Variants in PRKG1 observed in about 807,000 individuals in gnomAD.
PRKG1 encodes protein kinase cGMP-dependent 1, also known as cGMP-dependent protein kinase 1.
Under a neutral mutation model 88.1 loss-of-function variants are expected in PRKG1, and 35 were observed. That is an observed-to-expected ratio of 0.40 (90% CI 0.30 to 0.53). The LOEUF (loss-of-function observed/expected upper bound fraction) is 0.53, where lower values mean the gene tolerates loss of function less well. PRKG1 is among the 20% of genes least tolerant of loss of function. The pLI is 0.59. For missense variants in PRKG1, 540 were observed against 839.8 expected (o/e 0.64, Z 4.41); for synonymous variants, 303 against 292.5 (o/e 1.04, Z -0.37).
At chr10:51,671,122 A>G (rs1354862991) in intron 3 of PRKG1, among the ~76,000 whole-genome samples, 2 of 152,202 alleles carry the variant, frequency 1.3e-5, no homozygotes, top group African/African-American at 2.4e-5. Flanking sequence ...TGATCATGCT[A>G]AATTCTGCTT....
chr10:51,687,718 C>G (rs1841029228), intron 3 of PRKG1, among the ~76,000 whole-genome samples: 1 of 152,088 alleles, frequency 6.6e-6, no homozygotes, highest in Non-Finnish European at 1.5e-5. Flanking sequence ...TTGGCTGAAA[C>G]AATTTTTGGT....
intron 9 of PRKG1, among the ~76,000 whole-genome samples, chr10:52,244,300 G>A (rs953246923): frequency 2.6e-5 from 4 of 151,896 alleles, no homozygotes; most frequent in Admixed American, 1.3e-4. Context: ...ACAAAGAAAC[G>A]CTAAGATGGT....
intron 3 of PRKG1, among the ~76,000 whole-genome samples, chr10:51,621,534 C>T (rs747659048): frequency 2.6e-5 from 4 of 152,154 alleles, no homozygotes; most frequent in Non-Finnish European, 5.9e-5. Flanking sequence ...CTAGAGCCAT[C>T]TTGTTTTGGC....
chr10:52,008,830 C>T (rs1054292215), intron 5 of PRKG1, among the ~76,000 whole-genome samples: 2 of 152,214 alleles, frequency 1.3e-5, no homozygotes, highest in African/African-American at 2.4e-5. Context: ...AAAGCTAATT[C>T]ACCATGATCA....
At chr10:52,281,589 ACT>A (rs1049436573) in intron 13 of PRKG1, among the ~76,000 whole-genome samples, 2 of 151,994 alleles carry the variant, frequency 1.3e-5, no homozygotes, top group African/African-American at 4.8e-5. Context: ...TGCAGTCGAC[ACT>A]CTTCCTTCAA....
intron 3 of PRKG1, among the ~76,000 whole-genome samples, chr10:51,534,726 G>A (rs1842104127): frequency 6.6e-6 from 1 of 151,482 alleles, no homozygotes. Flanking sequence ...GTTCATGGTT[G>A]CTATTGTGTG....
chr10:51,776,459 G>C (rs1030944399), intron 3 of PRKG1, among the ~76,000 whole-genome samples: 8 of 152,114 alleles, frequency 5.3e-5, no homozygotes, highest in Non-Finnish European at 1.2e-4. Flanking sequence ...TTAAGACCCA[G>C]TATAAATTAA....
intron 3 of PRKG1, among the ~76,000 whole-genome samples, chr10:51,734,950 T>C (rs1279597121): frequency 2.0e-5 from 3 of 152,230 alleles, no homozygotes; most frequent in Non-Finnish European, 4.4e-5. Flanking sequence ...TGAAGGATTC[T>C]GCAGGAAAGT....
At chr10:51,794,735 A>G (rs983000794) in intron 3 of PRKG1, among the ~76,000 whole-genome samples, 4 of 152,112 alleles carry the variant, frequency 2.6e-5, no homozygotes, top group Admixed American at 6.6e-5. Flanking sequence ...TGTGGTACAC[A>G]GTAAATATGT....
chr10:51,074,013 C>T (rs1424444210), upstream of PRKG1, among the ~76,000 whole-genome samples: 3 of 152,122 alleles, frequency 2.0e-5, no homozygotes, highest in African/African-American at 7.2e-5. Context: ...GCTCAACATT[C>T]TCCAGGCTGG....
At chr10:52,282,773 G>A (rs1372503459) in intron 14 of PRKG1, among the ~76,000 whole-genome samples, 1 of 152,014 alleles carries the variant, frequency 6.6e-6, no homozygotes, top group African/African-American at 2.4e-5. Flanking sequence ...ATAGGCACTA[G>A]GGACACCACA....
chr10:51,177,868 C>T (rs1837238336), intron 2 of PRKG1, among the ~76,000 whole-genome samples: 1 of 151,564 alleles, frequency 6.6e-6, no homozygotes, highest in Non-Finnish European at 1.5e-5. Flanking sequence ...GATATTAATT[C>T]CTAATATATA....
chr10:51,731,323 A>T (rs903495409), intron 3 of PRKG1, among the ~76,000 whole-genome samples: 2 of 152,220 alleles, frequency 1.3e-5, no homozygotes, highest in Non-Finnish European at 2.9e-5. Flanking sequence ...GAAAGTGTTT[A>T]AAAAATGATC....
At chr10:52,271,270 T>C (rs1010827498) in intron 10 of PRKG1, 80 bp from the exon 11 acceptor site, 1 of 1,461,328 alleles carries the variant, frequency 6.8e-7, no homozygotes, top group South Asian at 1.3e-5. Context: ...AAGTGCGCCA[T>C]GTACCTGTTA....
intron 2 of PRKG1, among the ~76,000 whole-genome samples, chr10:51,408,114 C>T (rs1273764834): frequency 1.3e-5 from 2 of 152,122 alleles, no homozygotes; most frequent in African/African-American, 4.8e-5. Flanking sequence ...CACTTCCACC[C>T]CTTGATTCCT....
At chr10:51,938,869 A>C (rs1037528265) in intron 5 of PRKG1, among the ~76,000 whole-genome samples, 1 of 152,034 alleles carries the variant, frequency 6.6e-6, no homozygotes, top group Non-Finnish European at 1.5e-5. Context: ...TACTTCAGAA[A>C]GTTTTTGCAA....
intron 1 of PRKG1, among the ~76,000 whole-genome samples, chr10:51,067,709 A>G (rs554972155): frequency 1.3e-5 from 2 of 152,018 alleles, no homozygotes; most frequent in African/African-American, 4.8e-5. Context: ...TAATACAGTG[A>G]CTCTAGACAG....
At chr10:52,013,641 A>G (rs1053004208) in intron 5 of PRKG1, among the ~76,000 whole-genome samples, 1 of 152,222 alleles carries the variant, frequency 6.6e-6, no homozygotes, top group African/African-American at 2.4e-5. Context: ...TGCTTTGAGC[A>G]CAGGACATGT....
intron 2 of PRKG1, among the ~76,000 whole-genome samples, chr10:51,297,138 A>G (rs532660019): frequency 5.5e-4 from 83 of 152,210 alleles, no homozygotes; most frequent in African/African-American, 2.0e-3. Flanking sequence ...TTTAAGATTC[A>G]GTGAATTCTG....
Sources: gnomAD v4.1 joint callset for allele counts (sites outside exome capture counted in the v4.1 genomes callset) on GRCh38, gnomAD v4.1.1 for gene constraint, MANE v1.5 for transcripts, NCBI Gene and HGNC (gene_info 2026-07-23, HGNC 2026-07-21) for gene names.